Variants in RGSL1 observed in about 807,000 individuals in gnomAD.
RGSL1 encodes the protein regulator of G protein signaling protein-like.
RGSL1 carries 97 observed loss-of-function variants against 124.7 expected under a neutral mutation model. That is an observed-to-expected ratio of 0.78 (90% CI 0.66 to 0.92). The LOEUF (loss-of-function observed/expected upper bound fraction) is 0.92. Among genes scored for constraint, RGSL1 ranks in the 40% least tolerant of loss-of-function variants. The probability of loss-of-function intolerance (pLI) is 0.00; values close to 1 mark genes in which losing one functional copy is unlikely to be tolerated. For synonymous variants in RGSL1, 424 were observed against 438.1 expected (o/e 0.97, Z 0.40); for missense variants, 1,233 against 1,288.4 (o/e 0.96, Z 0.66).
chr1:182,517,284 T>TG (rs1657970473), intron 9 of RGSL1, among the ~76,000 whole-genome samples: 1 of 150,990 alleles, frequency 6.6e-6, no homozygotes. Flanking sequence ...CTATTTCTGT[T>TG]TTTTTTTTTG....
intron 10 of RGSL1, among the ~76,000 whole-genome samples, chr1:182,523,545 A>G (rs537914): frequency 0.86 from 131,498 of 152,114 alleles, 57,158 homozygotes; most frequent in Non-Finnish European, 0.89. Context: ...TTAAGCATGA[A>G]TACCACAGAA....
intron 9 of RGSL1, among the ~76,000 whole-genome samples, chr1:182,518,236 G>A (rs536578135): frequency 6.6e-6 from 1 of 152,114 alleles, no homozygotes; most frequent in South Asian, 2.1e-4. Context: ...GTCTCACCAT[G>A]TTGCCCAAGC....
chr1:182,558,344 C>G lies in RGSL1; in HGVS notation c.*166-1935C>G, dbSNP rs78443664. ...CAAGAAAGAGGGACCAGGTAAGGAA[C>G]CTGGCCTACTTCAGTTCCTGTGTTA... On this transcript the variant is annotated intron_variant, in intron 21 of 21. Coordinates refer to ENST00000294854, the MANE Select transcript of RGSL1 (RefSeq NM_001137669.2). Among the ~76,000 whole-genome samples, 1,397 of 152,260 alleles carry G rather than the reference C, an allele frequency of 9.2e-3. 25 individuals carry two copies. Among genetic ancestry groups the G allele is most frequent in the African/African-American group, 0.033 (1,352 of 41,538 alleles).
At chr1:182,531,037 T>G in intron 13 of RGSL1, 127 bp downstream of exon 13, 2 of 1,116,576 alleles carry the variant, frequency 1.8e-6, no homozygotes, top group South Asian at 3.1e-5. Flanking sequence ...TACTAGGAAT[T>G]TAAGCAAGTC....
intron 19 of RGSL1, 141 bp downstream of exon 19, chr1:182,553,682 C>T: frequency 1.4e-6 from 1 of 701,294 alleles, no homozygotes; most frequent in Non-Finnish European, 2.4e-6. Context: ...GATCACATAG[C>T]TTGTGAGTGG....
At chr1:182,530,966 G>T (rs1313871741) in intron 13 of RGSL1, 56 bp downstream of exon 13, 3 of 1,509,654 alleles carry the variant, frequency 2.0e-6, no homozygotes, top group Non-Finnish European at 2.6e-6. Context: ...CATCGTCTTG[G>T]GGGTAGGTTT....
At chr1:182,458,245 G>T in intron 2 of RGSL1, 74 bp from the exon 3 acceptor site, 1 of 1,071,214 alleles carries the variant, frequency 9.3e-7, no homozygotes, top group Non-Finnish European at 1.4e-6. Context: ...TTCCTCTGTG[G>T]CTGTAGAGGG....
chr1:182,493,335 T>G (rs1054419533), intron 9 of RGSL1, among the ~76,000 whole-genome samples: 1 of 152,234 alleles, frequency 6.6e-6, no homozygotes, highest in African/African-American at 2.4e-5. Flanking sequence ...GATGTAATCA[T>G]AAATGAATGA....
intron 9 of RGSL1, among the ~76,000 whole-genome samples, chr1:182,521,380 A>G (rs476071): frequency 0.86 from 131,639 of 152,292 alleles, 57,221 homozygotes; most frequent in Non-Finnish European, 0.89. Context: ...CAATAATGAT[A>G]TTTTGATATA....
At chr1:182,451,963 G>A (rs1651876369) in intron 1 of RGSL1, among the ~76,000 whole-genome samples, 1 of 151,990 alleles carries the variant, frequency 6.6e-6, no homozygotes, top group Admixed American at 6.6e-5. Flanking sequence ...GTAGGGACAT[G>A]GAGGGGAGAG....
intron 9 of RGSL1, among the ~76,000 whole-genome samples, chr1:182,499,968 T>A (rs1656227682): frequency 6.6e-6 from 1 of 152,236 alleles, no homozygotes; most frequent in African/African-American, 2.4e-5. Flanking sequence ...TGGGCTGTAT[T>A]TTCACTATGT....
At chr1:182,522,171 A>G (rs200033949) in intron 10 of RGSL1, 62 bp downstream of exon 10, 1 of 1,126,974 alleles carries the variant, frequency 8.9e-7, no homozygotes, top group Non-Finnish European at 1.3e-6. Flanking sequence ...AAACCTCAAC[A>G]TGTCTAATGG....
intron 5 of RGSL1, 25 bp from the exon 6 acceptor site, chr1:182,473,550 C>T (rs1289712594): frequency 6.7e-7 from 1 of 1,493,710 alleles, no homozygotes; most frequent in South Asian, 1.4e-5. Flanking sequence ...CATTTTCACC[C>T]ATGATTTCTC....
intron 4 of RGSL1, chr1:182,460,779 GTC>G (rs1652762047): frequency 2.2e-6 from 1 of 452,214 alleles, no homozygotes; most frequent in South Asian, 1.6e-5. Context: ...AAACTCTAGA[GTC>G]TATTGAAACT....
intron 9 of RGSL1, among the ~76,000 whole-genome samples, chr1:182,516,537 T>A (rs1657909894): frequency 6.6e-6 from 1 of 152,206 alleles, no homozygotes; most frequent in Non-Finnish European, 1.5e-5. Context: ...CCTACTGTCT[T>A]TCTTTGTGGT....
At chr1:182,551,272 A>G (rs950986743) in intron 18 of RGSL1, 63 bp downstream of exon 18, 7 of 1,363,958 alleles carry the variant, frequency 5.1e-6, no homozygotes, top group Non-Finnish European at 7.1e-6. Context: ...AGAGAAAGCA[A>G]GGGCCCAAGG....
At chr1:182,538,275 T>C (rs1659673171) in intron 14 of RGSL1, among the ~76,000 whole-genome samples, 1 of 152,170 alleles carries the variant, frequency 6.6e-6, no homozygotes, top group African/African-American at 2.4e-5. Flanking sequence ...AAGCCTGTAA[T>C]CCCAGTACTT....
At chr1:182,496,564 A>T (rs1655928431) in intron 9 of RGSL1, among the ~76,000 whole-genome samples, 1 of 152,220 alleles carries the variant, frequency 6.6e-6, no homozygotes, top group Non-Finnish European at 1.5e-5. Flanking sequence ...CAGGTCTGTC[A>T]TAAACTCCAT....
chr1:182,469,386 T>C (rs1653628182), intron 4 of RGSL1, among the ~76,000 whole-genome samples: 2 of 152,090 alleles, frequency 1.3e-5, no homozygotes, highest in Admixed American at 6.6e-5. Context: ...AAAGAAGATA[T>C]ACAGATAGCC....
Sources: gnomAD v4.1 joint callset for allele counts (sites outside exome capture counted in the v4.1 genomes callset) on GRCh38, gnomAD v4.1.1 for gene constraint, MANE v1.5 for transcripts, NCBI Gene and HGNC (gene_info 2026-07-23, HGNC 2026-07-21) for gene names.